Variants in MAPKAPK5 observed in about 807,000 individuals in gnomAD.
MAPKAPK5 encodes the protein MAP kinase-activated protein kinase 5.
MAPKAPK5 carries 30 observed loss-of-function variants against 65.1 expected under a neutral mutation model. That is an observed-to-expected ratio of 0.46 (90% CI 0.34 to 0.63). The LOEUF (loss-of-function observed/expected upper bound fraction) is 0.63, where lower values mean the gene tolerates loss of function less well. Among genes scored for constraint, MAPKAPK5 ranks in the 20% least tolerant of loss-of-function variants. The pLI, the probability that MAPKAPK5 is intolerant of heterozygous loss-of-function variation, is 0.01. For synonymous variants in MAPKAPK5, 179 were observed against 204.6 expected (o/e 0.87, Z 1.07); for missense variants, 433 against 581.4 (o/e 0.74, Z 2.63).
intron 1 of MAPKAPK5, among the ~76,000 whole-genome samples, chr12:111,852,814 C>T (rs920718906): frequency 4.6e-5 from 7 of 151,994 alleles, no homozygotes; most frequent in African/African-American, 9.7e-5. Context: ...CACTCTGTCT[C>T]GCAGGCTTAA....
chr12:111,868,479 G>A (rs538270630), intron 4 of MAPKAPK5, among the ~76,000 whole-genome samples: 12 of 152,260 alleles, frequency 7.9e-5, no homozygotes, highest in East Asian at 1.9e-4. Flanking sequence ...GGAAAAAAAC[G>A]CTTATTTTTC....
chr12:111,864,400 C>T (rs2069538351), intron 1 of MAPKAPK5, among the ~76,000 whole-genome samples: 2 of 152,152 alleles, frequency 1.3e-5, no homozygotes, highest in African/African-American at 2.4e-5. Flanking sequence ...CGGGGTTTCA[C>T]CATGTTGGCC....
At position 111,894,846 on chromosome 12, in the gene MAPKAPK5, C is replaced by T. The variant is rs1345204825; in HGVS notation, c.*1785C>T. 1 of 151,696 alleles carries T rather than the reference C, an allele frequency of 6.6e-6. No homozygotes were observed. Among genetic ancestry groups the T allele is most frequent in the Non-Finnish European group, 1.5e-5 (1 of 67,990 alleles). The allele number at this position is 151,696 out of a possible 1,614,324, so 9.4% of individuals were successfully genotyped here. On this transcript the variant is annotated 3_prime_UTR_variant, in exon 14 of 14. Transcript: ENST00000550735. ...GTACATAGAAAAGCTGGCAGGTAGACTCCAGCTCGCAGAGCAGAGGGAGAG... is the reference window on the plus strand; with the variant it reads ...GTACATAGAAAAGCTGGCAGGTAGATTCCAGCTCGCAGAGCAGAGGGAGAG...
chr12:111,880,333 G>A (rs923949029), intron 7 of MAPKAPK5, 114 bp from the exon 8 acceptor site: 19 of 824,136 alleles, frequency 2.3e-5, no homozygotes, highest in African/African-American at 3.4e-5. Context: ...GTTTTTTTTC[G>A]ATGGCTGATT....
chr12:111,870,381 C>A, intron 6 of MAPKAPK5, 21 bp downstream of exon 6: 2 of 1,576,214 alleles, frequency 1.3e-6, no homozygotes, highest in Non-Finnish European at 1.7e-6. Flanking sequence ...TGTTTTTCTG[C>A]ATTTTAGTGC....
intron 1 of MAPKAPK5, among the ~76,000 whole-genome samples, chr12:111,845,805 C>T (rs1191564038): frequency 6.6e-6 from 1 of 152,046 alleles, no homozygotes; most frequent in Non-Finnish European, 1.5e-5. Context: ...CATCTGTAAT[C>T]CCAGCTACTC....
intron 9 of MAPKAPK5, 61 bp from the exon 10 acceptor site, chr12:111,885,855 A>T (rs2070383516): frequency 1.2e-6 from 2 of 1,608,240 alleles, no homozygotes; most frequent in Admixed American, 1.7e-5. Context: ...AGGTCCAGGA[A>T]CTTCCTATGG....
At position 111,895,192 on chromosome 12, in the gene MAPKAPK5, G is replaced by A. The variant is rs146730870; in HGVS notation, c.*2131G>A. The A allele has an allele frequency of 0.012, 1,752 of 147,728 alleles. 21 individuals carry two copies. Among genetic ancestry groups the A allele is most frequent in the Admixed American group, 0.014 (205 of 14,652 alleles). 9.2% of individuals were successfully genotyped at this position (147,728 alleles called of 1,614,324 possible). ...GCTCACTGCAAGCTCTGCCTCCCAG[G>A]TTCACACCATTCTCCTACCTCAGCC... On this transcript the variant is annotated 3_prime_UTR_variant, in exon 14 of 14. Transcript: ENST00000550735.
Position 111,883,741 on chromosome 12 carries a change from C to T in MAPKAPK5, c.821C>T (p.Ser274Leu). ...CCAGAGGAAGAGTGGAGTCAGATCTCAGAGATGGCCAAAGATGTTGTGAGG... is the reference window on the plus strand; with the variant it reads ...CCAGAGGAAGAGTGGAGTCAGATCTTAGAGATGGCCAAAGATGTTGTGAGG... ...EFPEEEWSQI[S>L]EMAKDVVRKL... is the part of the protein sequence containing the mutation. The change falls in exon 9 of 14, where the codon TCA becomes TTA. Residue 274 changes from serine to leucine, a missense_variant. Physicochemically the swap from Ser to Leu is moderately radical, Grantham distance 145 (BLOSUM62 -2). This residue lies in a region of MAPKAPK5 where 99 missense variants were observed against 185.8 expected (regional missense o/e 0.53). Transcript: ENST00000550735. This position sits in a 1 kb window ranked among gnomAD's most constrained non-coding sequence, Gnocchi z 4.8. 1 of 1,613,840 alleles carries T rather than the reference C, an allele frequency of 6.2e-7. No individual in the cohort carries two copies. Among genetic ancestry groups the T allele is most frequent in the Non-Finnish European group, 8.5e-7 (1 of 1,179,848 alleles).
chr12:111,901,849 TA>T lies in MAPKAPK5; in HGVS notation c.*8789del. On this transcript the variant is annotated 3_prime_UTR_variant, in exon 14 of 14. Coordinates refer to ENST00000550735, the MANE Select transcript of MAPKAPK5 (RefSeq NM_003668.4). ...GTAGAAGGAAGGATTCTTTCACTTTTATTATTTATTTTGGTAATTAAATTTA... is the reference window on the plus strand; with the variant it reads ...GTAGAAGGAAGGATTCTTTCACTTTTTTATTTATTTTGGTAATTAAATTTA... 1 of 154,372 alleles carries T rather than the reference TA, an allele frequency of 6.5e-6. No homozygotes were observed. The highest frequency in any genetic ancestry group is 6.4e-5 in the Admixed American group (1 of 15,576). 9.6% of individuals were successfully genotyped at this position (154,372 alleles called of 1,614,324 possible). A position where few individuals can be genotyped will look rare whatever the true frequency, so the allele number is the denominator to read the frequency against.
At chr12:111,848,700 T>C (rs1189628286) in intron 1 of MAPKAPK5, among the ~76,000 whole-genome samples, 1 of 151,924 alleles carries the variant, frequency 6.6e-6, no homozygotes, top group Non-Finnish European at 1.5e-5. Context: ...CATGAGCCAC[T>C]GTGCTCGGCC....
intron 7 of MAPKAPK5, among the ~76,000 whole-genome samples, chr12:111,871,834 G>A (rs1328383814): frequency 6.6e-6 from 1 of 152,216 alleles, no homozygotes; most frequent in Non-Finnish European, 1.5e-5. Context: ...CCACTTTGCA[G>A]TCAGTCCCCT....
chr12:111,867,446 G>T lies in MAPKAPK5; in HGVS notation c.187-126G>T, dbSNP rs189873992. The T allele has an allele frequency of 4.4e-4, 266 of 605,924 alleles. No individual in the cohort carries two copies. In the East Asian group the frequency reaches 6.0e-3, roughly 14 times the overall value. 37.5% of individuals were successfully genotyped at this position (605,924 alleles called of 1,614,324 possible). On this transcript the variant is annotated intron_variant, in intron 3 of 13. Coordinates refer to ENST00000550735, the MANE Select transcript of MAPKAPK5 (RefSeq NM_003668.4). ...AAGGAGATAATCTTTGAAAACACTG[G>T]GTTTTTACATCATTCTAAGTGATAA...
rs2070319772 is a variant in MAPKAPK5 at position 111,883,946 on chromosome 12, A to T, written c.848+178A>T. On this transcript the variant is annotated intron_variant, in intron 9 of 13. Coordinates refer to ENST00000550735, the MANE Select transcript of MAPKAPK5 (RefSeq NM_003668.4). The surrounding 1 kb of genome is among the most constrained non-coding windows in gnomAD (Gnocchi z 4.8). ...TCTCAGTGTCCACACCTTGGTGCGA[A>T]TGAAGCTTTCCTCCCTCCTGTTGCA... 6.6e-6 allele frequency among the ~76,000 whole-genome samples: 1 copy of T among 152,164 alleles called. No homozygotes were observed. Among genetic ancestry groups the T allele is most frequent in the South Asian group, 2.1e-4 (1 of 4,828 alleles).
In MAPKAPK5 at chr12:111,870,935, C is replaced by T. The variant is rs546007535; in HGVS notation, c.484-150C>T. 1.6e-4 allele frequency: 97 copies of T among 617,908 alleles called. No homozygotes were observed. In the African/African-American group the frequency reaches 1.7e-3, roughly 11 times the overall value. The allele number at this position is 617,908 out of a possible 1,614,324, so 38.3% of individuals were successfully genotyped here. A position where few individuals can be genotyped will look rare whatever the true frequency, so the allele number is the denominator to read the frequency against. ...AGTTCCTCAGTGTGAATCATTGTCT[C>T]CAGACCTGGGGACATGTTATTTTCA... On this transcript the variant is annotated intron_variant, in intron 6 of 13. Coordinates refer to ENST00000550735, the MANE Select transcript of MAPKAPK5 (RefSeq NM_003668.4).
intron 13 of MAPKAPK5, among the ~76,000 whole-genome samples, chr12:111,891,819 A>G (rs567211915): frequency 2.6e-5 from 4 of 151,064 alleles, no homozygotes; most frequent in East Asian, 2.0e-4. Flanking sequence ...AAAAAAAAAA[A>G]GGGAAAAAAA....
chr12:111,885,853 G>C (rs2070383418), intron 9 of MAPKAPK5, 63 bp from the exon 10 acceptor site: 1 of 1,607,754 alleles, frequency 6.2e-7, no homozygotes, highest in African/African-American at 1.3e-5. Context: ...CCAGGTCCAG[G>C]AACTTCCTAT....
intron 1 of MAPKAPK5, among the ~76,000 whole-genome samples, chr12:111,844,868 T>C (rs1034639435): frequency 2.6e-5 from 4 of 152,050 alleles, no homozygotes; most frequent in African/African-American, 9.7e-5. Context: ...GAAGCAGGTG[T>C]AGTGTGATGT....
intron 1 of MAPKAPK5, among the ~76,000 whole-genome samples, chr12:111,850,621 T>C (rs1445605442): frequency 1.3e-5 from 2 of 152,160 alleles, no homozygotes. Flanking sequence ...AGAAAGGATA[T>C]CTGCTTGAAT....
Sources: allele counts gnomAD v4.1 joint callset (sites outside exome capture counted in the v4.1 genomes callset), GRCh38; gene constraint gnomAD v4.1.1; regional missense constraint gnomAD v4.1.1; non-coding constraint Gnocchi (gnomAD v3.1); transcripts MANE v1.5; gene names NCBI Gene and HGNC (gene_info 2026-07-23, HGNC 2026-07-21).